The following PLPP4 variants were observed in gnomAD, a reference collection of about 807,000 sequenced individuals.
PLPP4 encodes the protein phospholipid phosphatase 4.
Under a neutral mutation model 32.2 loss-of-function variants are expected in PLPP4, and 20 were observed. The observed-to-expected ratio is 0.62, with a 90% confidence interval of 0.44 to 0.90. PLPP4 has a LOEUF of 0.90. Among genes scored for constraint, PLPP4 ranks in the 40% least tolerant of loss-of-function variants. The pLI, the probability that PLPP4 is intolerant of heterozygous loss-of-function variation, is 0.00. For missense variants in PLPP4, 257 were observed against 353.1 expected, an observed-to-expected ratio of 0.73 and a Z score of 2.18; for synonymous variants, 127 against 133.0, an observed-to-expected ratio of 0.95 and a Z score of 0.31.
At chr10:120,474,340 T>G (rs1204001675) in intron 1 of PLPP4, among the ~76,000 whole-genome samples, 1 of 152,214 alleles carries the variant, frequency 6.6e-6, no homozygotes, top group Non-Finnish European at 1.5e-5. Flanking sequence ...TGAGTTATCC[T>G]TCAAATGACC....
At chr10:120,548,665 C>T (rs781005299) in intron 5 of PLPP4, among the ~76,000 whole-genome samples, 3 of 152,242 alleles carry the variant, frequency 2.0e-5, no homozygotes, top group Admixed American at 6.5e-5. Context: ...CTGCTTTCCA[C>T]AATGGCTGAA....
chr10:120,480,000 G>A (rs1020906025), intron 1 of PLPP4, among the ~76,000 whole-genome samples: 3 of 152,200 alleles, frequency 2.0e-5, no homozygotes, highest in Admixed American at 1.3e-4. Flanking sequence ...CTGATAATCC[G>A]ATAAGGCCTT....
intron 5 of PLPP4, among the ~76,000 whole-genome samples, chr10:120,534,152 G>T (rs974789010): frequency 7.2e-5 from 11 of 151,970 alleles, no homozygotes; most frequent in Non-Finnish European, 1.6e-4. Context: ...GGGTCTGCTA[G>T]CAATGAATTC....
At chr10:120,525,617 CAG>C (rs1477991277) in intron 5 of PLPP4, among the ~76,000 whole-genome samples, 7 of 152,176 alleles carry the variant, frequency 4.6e-5, no homozygotes, top group African/African-American at 1.4e-4. Context: ...GAATTCCAAT[CAG>C]GGGACAGGGA....
chr10:120,501,314 G>T (rs200666426), intron 1 of PLPP4, among the ~76,000 whole-genome samples: 1 of 60,312 alleles, frequency 1.7e-5, no homozygotes, highest in Non-Finnish European at 3.1e-5. Flanking sequence ...TTCATTTCAT[G>T]TCTTAAAAAC....
At chr10:120,568,833 G>A (rs1262383113) in intron 5 of PLPP4, among the ~76,000 whole-genome samples, 1 of 152,200 alleles carries the variant, frequency 6.6e-6, no homozygotes, top group African/African-American at 2.4e-5. Flanking sequence ...CCTTGTGACT[G>A]TCAGTAGTTT....
At chr10:120,488,277 A>G (rs17705622) in intron 1 of PLPP4, among the ~76,000 whole-genome samples, 8,332 of 152,304 alleles carry the variant, frequency 0.055, 317 homozygotes, top group South Asian at 0.11. Flanking sequence ...CAGTTCTGCC[A>G]TGTGGGTGGA....
intron 5 of PLPP4, among the ~76,000 whole-genome samples, chr10:120,572,657 G>A (rs1848997151): frequency 6.6e-6 from 1 of 152,202 alleles, no homozygotes; most frequent in South Asian, 2.1e-4. Context: ...AAAGCCACCT[G>A]ATTTGAATAA....
chr10:120,524,388 G>A (rs1049878925), intron 5 of PLPP4, among the ~76,000 whole-genome samples: 8 of 152,062 alleles, frequency 5.3e-5, no homozygotes, highest in Non-Finnish European at 1.0e-4. Flanking sequence ...TCATAGGCTG[G>A]ACTTGAGTGA....
At chr10:120,514,445 C>A (rs553186509) in intron 3 of PLPP4, among the ~76,000 whole-genome samples, 133 of 152,186 alleles carry the variant, frequency 8.7e-4, no homozygotes, top group Middle Eastern at 6.8e-3. Flanking sequence ...TAGGCAAATG[C>A]GGGAGTAAAA....
Position 120,591,831 on chromosome 10 carries a change from A to G in PLPP4, c.*2329A>G, listed in dbSNP as rs1296751210. Among the ~76,000 whole-genome samples, 1 of 152,222 alleles carries G rather than the reference A, an allele frequency of 6.6e-6. No individual in the cohort carries two copies. ...CAGAGTATTACTAATGCTGATAATT[A>G]CATGGAAAATCCTAATACTGGCCAT... On this transcript the variant is annotated 3_prime_UTR_variant, in exon 7 of 7. Coordinates refer to ENST00000398250, the MANE Select transcript of PLPP4 (RefSeq NM_001030059.3).
At chr10:120,580,143 A>AAG (rs202212145) in intron 6 of PLPP4, among the ~76,000 whole-genome samples, 2,218 of 150,522 alleles carry the variant, frequency 0.015, 70 homozygotes, top group African/African-American at 0.052. Context: ...AAAAAAAGGA[A>AAG]AGAAAGAATG....
At chr10:120,511,831 C>T (rs1041412385) in intron 2 of PLPP4, among the ~76,000 whole-genome samples, 2 of 152,200 alleles carry the variant, frequency 1.3e-5, no homozygotes, top group African/African-American at 4.8e-5. Flanking sequence ...CGGTGGCTCA[C>T]ACCTGTAATC....
chr10:120,543,374 G>A (rs543613532), intron 5 of PLPP4, among the ~76,000 whole-genome samples: 1 of 152,170 alleles, frequency 6.6e-6, no homozygotes, highest in East Asian at 1.9e-4. Flanking sequence ...TGGTTGGCCT[G>A]TTACCCCTGA....
intron 1 of PLPP4, among the ~76,000 whole-genome samples, chr10:120,463,594 A>G (rs753214065): frequency 4.6e-4 from 70 of 152,220 alleles, no homozygotes; most frequent in Non-Finnish European, 9.8e-4. Flanking sequence ...GTTAATCCCT[A>G]TTGCATACAT....
chr10:120,568,242 T>C (rs1378854190), intron 5 of PLPP4, among the ~76,000 whole-genome samples: 1 of 152,234 alleles, frequency 6.6e-6, no homozygotes, highest in Admixed American at 6.5e-5. Flanking sequence ...GGGTAACAGA[T>C]CTTCTTAATG....
chr10:120,561,123 A>G (rs988432010), intron 5 of PLPP4, among the ~76,000 whole-genome samples: 1 of 152,196 alleles, frequency 6.6e-6, no homozygotes, highest in African/African-American at 2.4e-5. Flanking sequence ...TGGTCAAACA[A>G]GTATCCAGTC....
At chr10:120,465,648 G>A (rs1248876156) in intron 1 of PLPP4, among the ~76,000 whole-genome samples, 1 of 152,102 alleles carries the variant, frequency 6.6e-6, no homozygotes, top group Non-Finnish European at 1.5e-5. Flanking sequence ...TGATATTTGA[G>A]TGTTTTGACC....
At chr10:120,543,637 T>A (rs984545770) in intron 5 of PLPP4, among the ~76,000 whole-genome samples, 1 of 152,144 alleles carries the variant, frequency 6.6e-6, no homozygotes, top group Admixed American at 6.5e-5. Context: ...AAATTTACCA[T>A]CTTAGCCATT....
Sources: gnomAD v4.1 joint callset for allele counts (sites outside exome capture counted in the v4.1 genomes callset) on GRCh38, gnomAD v4.1.1 for gene constraint, MANE v1.5 for transcripts, NCBI Gene and HGNC (gene_info 2026-07-23, HGNC 2026-07-21) for gene names.